XKR4: variants seen among roughly 807,000 people sequenced by gnomAD.
The protein encoded by XKR4 is XK related 4.
XKR4 carries 12 observed loss-of-function variants against 53.9 expected under a neutral mutation model. That is an observed-to-expected ratio of 0.22 (90% CI 0.14 to 0.36). XKR4 has a LOEUF of 0.36. XKR4 is among the 10% of genes least tolerant of loss of function. The pLI is 1.00. For missense variants in XKR4, 799 were observed against 859.5 expected (o/e 0.93, Z 0.88); for synonymous variants, 354 against 362.4 (o/e 0.98, Z 0.26).
intron 2 of XKR4, among the ~76,000 whole-genome samples, chr8:55,375,116 C>A (rs1280840828): frequency 6.6e-6 from 1 of 152,240 alleles, no homozygotes; most frequent in Non-Finnish European, 1.5e-5. Flanking sequence ...TGCCAGTGAT[C>A]TTTGCTGTCT....
chr8:55,139,669 A>G (rs1816677453), intron 1 of XKR4, among the ~76,000 whole-genome samples: 1 of 98,398 alleles, frequency 1.0e-5, no homozygotes, highest in Non-Finnish European at 2.1e-5. Context: ...AGAGAATAGT[A>G]GCTGTTTTTT....
At chr8:55,478,752 A>G (rs1292414487) in intron 2 of XKR4, among the ~76,000 whole-genome samples, 4 of 152,122 alleles carry the variant, frequency 2.6e-5, no homozygotes, top group Non-Finnish European at 4.4e-5. Context: ...TTGCAATCCT[A>G]GTCTCTGATA....
intron 1 of XKR4, among the ~76,000 whole-genome samples, chr8:55,122,645 G>A (rs1816407096): frequency 6.6e-6 from 1 of 152,198 alleles, no homozygotes; most frequent in Non-Finnish European, 1.5e-5. Flanking sequence ...ACGTTTTCGT[G>A]TGCTTCAAAG....
rs79892134 is a variant in XKR4 at position 55,138,606 on chromosome 8, G to A, written c.806+35312G>A. On this transcript the variant is annotated intron_variant, in intron 1 of 2. Transcript: ENST00000327381. The stretch of plus-strand genomic sequence containing the variant: ...CTAAGTGCCACCAAGCAAGGGATGT[G>A]CTTCTAATTAAAGGTAACTGTCAAT... Among the ~76,000 whole-genome samples the A allele has an allele frequency of 7.2e-3, 1,100 of 152,262 alleles. 21 individuals carry two copies. Among genetic ancestry groups the A allele is most frequent in the African/African-American group, 0.026 (1,063 of 41,546 alleles).
At chr8:55,308,681 T>A (rs1472040672) in intron 1 of XKR4, among the ~76,000 whole-genome samples, 1 of 152,178 alleles carries the variant, frequency 6.6e-6, no homozygotes, top group Non-Finnish European at 1.5e-5. Context: ...TGAAAATTTG[T>A]GTTCATATAA....
chr8:55,510,558 G>T (rs898835838), intron 2 of XKR4, among the ~76,000 whole-genome samples: 5 of 152,080 alleles, frequency 3.3e-5, no homozygotes, highest in African/African-American at 1.2e-4. Context: ...GGGCAGATGG[G>T]AATGAAGAGG....
intron 1 of XKR4, among the ~76,000 whole-genome samples, chr8:55,205,845 G>A (rs963812906): frequency 3.9e-5 from 6 of 152,274 alleles, no homozygotes; most frequent in African/African-American, 7.2e-5. Context: ...GAATGAAGTC[G>A]CGGACCCTCG....
intron 1 of XKR4, among the ~76,000 whole-genome samples, chr8:55,200,133 C>T (rs544312711): frequency 3.2e-4 from 49 of 152,274 alleles, no homozygotes; most frequent in Non-Finnish European, 5.3e-4. Flanking sequence ...GGCACAATCT[C>T]GGCTCACAGC....
chr8:55,158,817 C>CTA (rs779392378), intron 1 of XKR4, among the ~76,000 whole-genome samples: 12 of 152,128 alleles, frequency 7.9e-5, no homozygotes, highest in Non-Finnish European at 1.6e-4. Flanking sequence ...TCTGAGCTCT[C>CTA]TATTCTGTTC....
chr8:55,323,782 CT>C (rs1193581031), intron 1 of XKR4, among the ~76,000 whole-genome samples: 12 of 152,278 alleles, frequency 7.9e-5, no homozygotes, highest in African/African-American at 2.9e-4. Flanking sequence ...TTTCAGCCCC[CT>C]CTCCAAGTCT....
chr8:55,149,630 G>C (rs1816815269), intron 1 of XKR4, among the ~76,000 whole-genome samples: 1 of 152,230 alleles, frequency 6.6e-6, no homozygotes, highest in Non-Finnish European at 1.5e-5. Flanking sequence ...AATGGGAAGA[G>C]CGTTTCAGAA....
intron 1 of XKR4, chr8:55,135,501 C>G (rs1762400514): frequency 2.4e-6 from 1 of 425,048 alleles, no homozygotes; most frequent in Non-Finnish European, 4.9e-6. Context: ...CACTCTTTGT[C>G]CATCTGTAAT....
intron 1 of XKR4, among the ~76,000 whole-genome samples, chr8:55,292,751 T>C (rs988572567): frequency 1.3e-5 from 2 of 152,218 alleles, no homozygotes; most frequent in Admixed American, 6.5e-5. Flanking sequence ...ACTCTTCTTT[T>C]CTAATGTGAG....
intron 1 of XKR4, chr8:55,135,377 G>A: frequency 3.6e-6 from 1 of 274,644 alleles, no homozygotes; most frequent in African/African-American, 2.2e-5. Context: ...TCTATTTAGA[G>A]CAGATCTTTA....
chr8:55,452,176 CA>C, intron 2 of XKR4: 1 of 724,494 alleles, frequency 1.4e-6, no homozygotes, highest in Non-Finnish European at 2.4e-6. Context: ...AAGAGCTCGG[CA>C]CTGTCAGACC....
In XKR4 at chr8:55,535,297, A is replaced by G. The variant is rs1807016973; in HGVS notation, c.*11070A>G. On this transcript the variant is annotated 3_prime_UTR_variant, in exon 3 of 3. Coordinates refer to ENST00000327381, the MANE Select transcript of XKR4 (RefSeq NM_052898.2). ...ACGTGCAGGTTTGTTACATATGTAT[A>G]CATGTGCCATGTTGGTGTGCTGTAC... The G allele has an allele frequency of 6.6e-6, 1 of 151,608 alleles. No homozygotes were observed. The highest frequency in any genetic ancestry group is 1.5e-5 in the Non-Finnish European group (1 of 67,972). 9.4% of individuals were successfully genotyped at this position (151,608 alleles called of 1,614,324 possible).
chr8:55,242,191 G>T (rs1818219771), intron 1 of XKR4, among the ~76,000 whole-genome samples: 1 of 152,020 alleles, frequency 6.6e-6, no homozygotes, highest in African/African-American at 2.4e-5. Context: ...CCCCCATAAG[G>T]TTTCAAAAGC....
chr8:55,224,966 A>G (rs1347148114), intron 1 of XKR4, among the ~76,000 whole-genome samples: 2 of 152,220 alleles, frequency 1.3e-5, no homozygotes, highest in African/African-American at 4.8e-5. Context: ...TAATTAATGA[A>G]CGATACATAT....
In XKR4 at chr8:55,386,675, A is replaced by T. The variant is rs563636212; in HGVS notation, c.1006+28798A>T. 2.0e-5 allele frequency among the ~76,000 whole-genome samples: 3 copies of T among 152,328 alleles called. No individual in the cohort carries two copies. The East Asian group carries it at 5.8e-4, about 29-fold the overall frequency. On this transcript the variant is annotated intron_variant, in intron 2 of 2. Coordinates refer to ENST00000327381, the MANE Select transcript of XKR4 (RefSeq NM_052898.2). Reference sequence around the variant, plus strand: ...GGAATGTAGTAGCGAAGAGGAGATAAGTCTGCAGCTGGAAAAATGAAGCCT... The same window carrying T: ...GGAATGTAGTAGCGAAGAGGAGATATGTCTGCAGCTGGAAAAATGAAGCCT...
Sources: allele counts gnomAD v4.1 joint callset (sites outside exome capture counted in the v4.1 genomes callset), GRCh38; gene constraint gnomAD v4.1.1; transcripts MANE v1.5; gene names NCBI Gene and HGNC (gene_info 2026-07-23, HGNC 2026-07-21).